TUBB6: variants seen among roughly 807,000 people sequenced by gnomAD.
TUBB6 encodes the protein tubulin beta 6 class V, also known as tubulin beta-6 chain.
In TUBB6, 18 loss-of-function variants were observed where a neutral mutation model predicts 32.3. The observed-to-expected ratio is 0.56, with a 90% CI of 0.39 to 0.83. TUBB6 has a LOEUF of 0.83. Among genes scored for constraint, TUBB6 ranks in the 40% least tolerant of loss-of-function variants. The probability of loss-of-function intolerance (pLI) is 0.00; values close to 1 mark genes in which losing one functional copy is unlikely to be tolerated. For synonymous variants in TUBB6, 280 were observed against 265.8 expected (o/e 1.05, Z -0.52); for missense variants, 480 against 632.0 (o/e 0.76, Z 2.58).
At chr18:12,312,999 CAAAAA>C (rs59962916) in intron 3 of TUBB6, among the ~76,000 whole-genome samples, 6 of 106,558 alleles carry the variant, frequency 5.6e-5, no homozygotes, top group Middle Eastern at 5.3e-3. Context: ...AATTCTATCT[CAAAAA>C]AAAAAAAAAA....
intron 3 of TUBB6, among the ~76,000 whole-genome samples, chr18:12,318,291 G>A (rs1344719600): frequency 6.6e-6 from 1 of 151,284 alleles, no homozygotes; most frequent in African/African-American, 2.4e-5. Context: ...AGTTGGTGGG[G>A]GCTTAGGAAG....
rs1445866523 is a variant in TUBB6, at chr18:12,325,649, C to T, written c.860C>T (p.Pro287Leu). 2 of 1,614,002 alleles carry T rather than the reference C, an allele frequency of 1.2e-6. No individual in the cohort carries two copies. Among genetic ancestry groups the T allele is most frequent in the Non-Finnish European group, 1.7e-6 (2 of 1,179,978 alleles). The change falls in exon 4 of 4, where the codon CCC (proline) becomes CTC (leucine). Residue 287 changes from proline (P) to leucine (L), a missense_variant. Physicochemically the swap from Pro to Leu is moderately conservative, Grantham distance 98. Coordinates refer to ENST00000317702, the MANE Select transcript of TUBB6 (RefSeq NM_032525.3). Reference protein sequence around the residue: ...GSQQYRALTVPELTQQMFDAR... With the variant: ...GSQQYRALTVLELTQQMFDAR... ...CAGCAGTACCGGGCCCTGACCGTGC[C>T]CGAGCTCACCCAGCAGATGTTCGAC... is the stretch of plus-strand genomic sequence containing the variant.
downstream of TUBB6, chr18:12,329,086 T>C (rs948335187): frequency 4.3e-6 from 3 of 701,722 alleles, no homozygotes; most frequent in Admixed American, 4.0e-5. Context: ...CTGGATTCAA[T>C]CTTTAAAATA....
At chr18:12,321,341 C>A (rs1052614599) in intron 3 of TUBB6, among the ~76,000 whole-genome samples, 1 of 152,208 alleles carries the variant, frequency 6.6e-6, no homozygotes, top group African/African-American at 2.4e-5. Context: ...GCTTCATCCC[C>A]CCCAAGAGTA....
chr18:12,329,796 C>G, downstream of TUBB6: 1 of 1,600,250 alleles, frequency 6.2e-7, no homozygotes, highest in Middle Eastern at 1.7e-4. Context: ...GAAATATGAA[C>G]AATTTTCATT....
intron 3 of TUBB6, among the ~76,000 whole-genome samples, chr18:12,318,304 C>T (rs1252016318): frequency 6.6e-6 from 1 of 151,086 alleles, no homozygotes; most frequent in African/African-American, 2.4e-5. Flanking sequence ...TTAGGAAGGA[C>T]GGTGACCATT....
intron 3 of TUBB6, among the ~76,000 whole-genome samples, chr18:12,313,917 A>G (rs1906527445): frequency 6.6e-6 from 1 of 152,204 alleles, no homozygotes; most frequent in African/African-American, 2.4e-5. Context: ...ATCCTTGTCA[A>G]TTCAGAGGGA....
chr18:12,325,425 C>G lies in TUBB6; in HGVS notation c.636C>G (p.Phe212Leu), dbSNP rs1456001556. 6.2e-7 allele frequency: 1 copy of G among 1,614,134 alleles called. No individual in the cohort carries two copies. The highest frequency in any genetic ancestry group is 1.3e-5 in the African/African-American group (1 of 74,946). The change falls in exon 4 of 4, where the codon TTC becomes TTG. Residue 212 changes from phenylalanine to leucine, a missense_variant. Physicochemically the swap from Phe to Leu is conservative, Grantham distance 22 (BLOSUM62 0). Coordinates refer to ENST00000317702, the MANE Select transcript of TUBB6 (RefSeq NM_032525.3). The stretch of plus-strand genomic sequence containing the variant: ...ACGAGGCGCTCTATGACATCTGCTT[C>G]CGCACTCTGAAGCTGACAACGCCCA... ...IDNEALYDIC[F>L]RTLKLTTPTY...
At chr18:12,319,560 T>A (rs532540263) in intron 3 of TUBB6, among the ~76,000 whole-genome samples, 2 of 152,336 alleles carry the variant, frequency 1.3e-5, no homozygotes, top group South Asian at 2.1e-4. Flanking sequence ...GAAAAATTCA[T>A]TAATGTATCT....
chr18:12,321,214 T>C (rs948177811), intron 3 of TUBB6, among the ~76,000 whole-genome samples: 11 of 152,226 alleles, frequency 7.2e-5, no homozygotes, highest in Non-Finnish European at 1.6e-4. Context: ...ATATGTGATA[T>C]GAGTTATTAA....
chr18:12,315,149 T>C (rs541987389), intron 3 of TUBB6, among the ~76,000 whole-genome samples: 3 of 152,354 alleles, frequency 2.0e-5, no homozygotes, highest in East Asian at 1.9e-4. Flanking sequence ...TCTTTTTCCA[T>C]TGAACATTAT....
At chr18:12,318,295 T>C (rs1906781514) in intron 3 of TUBB6, among the ~76,000 whole-genome samples, 1 of 150,788 alleles carries the variant, frequency 6.6e-6, no homozygotes, top group African/African-American at 2.4e-5. Flanking sequence ...GGTGGGGGCT[T>C]AGGAAGGACG....
chr18:12,316,969 G>C (rs1460111272), intron 3 of TUBB6, among the ~76,000 whole-genome samples: 1 of 152,106 alleles, frequency 6.6e-6, no homozygotes, highest in Non-Finnish European at 1.5e-5. Flanking sequence ...GACCAGCCTG[G>C]CCAACATGGT....
At chr18:12,311,405 G>A (rs1039252853) in intron 3 of TUBB6, among the ~76,000 whole-genome samples, 1 of 152,140 alleles carries the variant, frequency 6.6e-6, no homozygotes, top group African/African-American at 2.4e-5. Context: ...AGACCATCCT[G>A]GCTGACACGG....
intron 3 of TUBB6, chr18:12,320,585 G>T (rs564554879): frequency 2.6e-5 from 4 of 152,284 alleles, no homozygotes; most frequent in African/African-American, 9.6e-5. Context: ...GGAGCCAGCT[G>T]TATACACTGT....
intron 3 of TUBB6, among the ~76,000 whole-genome samples, chr18:12,313,911 T>C (rs528270460): frequency 6.6e-6 from 1 of 152,354 alleles, no homozygotes; most frequent in Non-Finnish European, 1.5e-5. Context: ...AGTGTCATCC[T>C]TGTCAATTCA....
Position 12,326,250 on chromosome 18 carries a change from T to C in TUBB6, c.*120T>C. 1 of 1,390,926 alleles carries C rather than the reference T, an allele frequency of 7.2e-7. No homozygotes were observed. The highest frequency in any genetic ancestry group is 9.5e-7 in the Non-Finnish European group (1 of 1,052,282). The allele number at this position is 1,390,926 out of a possible 1,614,324, so 86.2% of individuals were successfully genotyped here. A position where few individuals can be genotyped will look rare whatever the true frequency, so the allele number is the denominator to read the frequency against. On this transcript the variant is annotated 3_prime_UTR_variant, in exon 4 of 4. Transcript: ENST00000317702. Reference sequence around the variant, plus strand: ...GTTTAATTGTGTTGGTGTCGGCCCCTCACAAATGCAGCCAAGTCATGTAAT... The same window carrying C: ...GTTTAATTGTGTTGGTGTCGGCCCCCCACAAATGCAGCCAAGTCATGTAAT...
downstream of TUBB6, among the ~76,000 whole-genome samples, chr18:12,328,465 C>G (rs1374067762): frequency 6.6e-6 from 1 of 152,194 alleles, no homozygotes; most frequent in East Asian, 1.9e-4. Context: ...TTTCTGGAAG[C>G]ACATAACCAA....
At chr18:12,319,484 GCA>G (rs1422067233) in intron 3 of TUBB6, among the ~76,000 whole-genome samples, 1 of 152,050 alleles carries the variant, frequency 6.6e-6, no homozygotes, top group African/African-American at 2.4e-5. Flanking sequence ...ACCTAGGTGA[GCA>G]CACAGAGCTG....
Sources: gnomAD v4.1 joint callset for allele counts (sites outside exome capture counted in the v4.1 genomes callset) on GRCh38, gnomAD v4.1.1 for gene constraint, MANE v1.5 for transcripts, NCBI Gene and HGNC (gene_info 2026-07-23, HGNC 2026-07-21) for gene names.